Variants in DLGAP2 observed in about 807,000 individuals in gnomAD.
The protein encoded by DLGAP2 is DLG associated protein 2.
Under a neutral mutation model 100.3 loss-of-function variants are expected in DLGAP2, and 26 were observed. The observed-to-expected ratio is 0.26, with a 90% CI of 0.19 to 0.36. The LOEUF (loss-of-function observed/expected upper bound fraction) is 0.36, where lower values mean the gene tolerates loss of function less well. Ranked by LOEUF, DLGAP2 falls within the 10% of genes least tolerant of loss-of-function variation. The pLI is 1.00. For synonymous variants in DLGAP2, 886 were observed against 630.1 expected, an observed-to-expected ratio of 1.41 and a Z score of -6.08; for missense variants, 1,858 against 1,453.2, an observed-to-expected ratio of 1.28 and a Z score of -4.53.
intron 2 of DLGAP2, among the ~76,000 whole-genome samples, chr8:1,142,294 A>G (rs1366127609): frequency 6.6e-6 from 1 of 152,166 alleles, no homozygotes; most frequent in Non-Finnish European, 1.5e-5. Flanking sequence ...TTTCTGAAGA[A>G]AAAAAGTACG....
chr8:1,337,015 C>G (rs1210007310), intron 3 of DLGAP2, among the ~76,000 whole-genome samples: 2 of 152,122 alleles, frequency 1.3e-5, no homozygotes, highest in Non-Finnish European at 2.9e-5. Flanking sequence ...CAATGAGTCT[C>G]TAGAATAGTC....
Position 1,548,853 on chromosome 8 carries a change from C to G in DLGAP2, c.400C>G (p.Arg134Gly). 1 of 1,581,884 alleles carries G rather than the reference C, an allele frequency of 6.3e-7. No homozygotes were observed. The highest frequency in any genetic ancestry group is 8.6e-7 in the Non-Finnish European group (1 of 1,168,206). ...CGACAGCTGCCCCGGGGGGCGCCAC[C>G]GCTGCTCGCCGCGCAGCTCGGTGCA... ...PADSCPGGRH[R>G]CSPRSSVHSE... is the part of the protein sequence containing the mutation. The change falls in exon 5 of 15, where the codon CGC becomes GGC. Residue 134 changes from arginine to glycine, a missense_variant. Transcript: ENST00000637795.
intron 13 of DLGAP2, 61 bp downstream of exon 13, chr8:1,691,687 A>T: frequency 7.4e-7 from 1 of 1,344,432 alleles, no homozygotes; most frequent in Non-Finnish European, 1.1e-6. Context: ...ATCATTCCAC[A>T]GATTCTCATT....
In DLGAP2 at chr8:880,147, TC is replaced by T. The variant is rs534956750; in HGVS notation, c.19-27764del. 1.9e-3 allele frequency among the ~76,000 whole-genome samples: 291 copies of T among 152,284 alleles called. 1 individual carries two copies. Among genetic ancestry groups the T allele is most frequent in the Admixed American group, 0.016 (252 of 15,300 alleles). ...TTCTTTGCATCCGTGGTGTTTGTGT[TC>T]ACCTGTGTTCTTGGCCCCGCCCCTT... On this transcript the variant is annotated intron_variant, in intron 1 of 14. Coordinates refer to ENST00000637795, the MANE Select transcript of DLGAP2 (RefSeq NM_001346810.2).
At chr8:1,257,594 C>G (rs1448860053) in intron 2 of DLGAP2, among the ~76,000 whole-genome samples, 3 of 152,222 alleles carry the variant, frequency 2.0e-5, no homozygotes, top group African/African-American at 7.2e-5. Flanking sequence ...CGTGGCGTCT[C>G]CTCTGTGGGC....
rs149138252 is a variant in DLGAP2 at position 1,270,623 on chromosome 8, C to T, written c.106+11740C>T. Among the ~76,000 whole-genome samples the T allele has an allele frequency of 2.8e-4, 42 of 152,114 alleles. 1 individual carries two copies. The highest frequency in any genetic ancestry group is 9.2e-4 in the African/African-American group (38 of 41,526). The stretch of plus-strand genomic sequence containing the variant: ...AAGAACGTAACTTCTCTGACCCTGA[C>T]GTTCTCCCAGTAAAATTTCCTTTGC... On this transcript the variant is annotated intron_variant, in intron 3 of 14. Transcript: ENST00000637795.
At chr8:1,258,741 A>T in intron 2 of DLGAP2, 110 bp from the exon 3 acceptor site, 1 of 962,172 alleles carries the variant, frequency 1.0e-6, no homozygotes, top group Non-Finnish European at 1.3e-6. Context: ...TGGTGTGGTC[A>T]AGCGGCGTCA....
rs142826489 is a variant in DLGAP2 at position 1,706,979 on chromosome 8, G to A, written c.*5573G>A. The A allele has an allele frequency of 9.2e-4, 140 of 152,700 alleles. 2 individuals carry two copies. In the East Asian group the frequency reaches 0.018, roughly 19 times the overall value. 9.5% of individuals were successfully genotyped at this position (152,700 alleles called of 1,614,324 possible). On this transcript the variant is annotated 3_prime_UTR_variant, in exon 15 of 15. Transcript: ENST00000637795. ...TATGAATTGCTGTCCTAACCCTGGCGTTTTTATCCAGTGTTAAAATAAATT... is the reference window on the plus strand; with the variant it reads ...TATGAATTGCTGTCCTAACCCTGGCATTTTTATCCAGTGTTAAAATAAATT...
intron 9 of DLGAP2, 113 bp downstream of exon 9, chr8:1,668,791 C>T (rs995171449): frequency 2.0e-6 from 2 of 1,002,228 alleles, no homozygotes; most frequent in Non-Finnish European, 2.8e-6. Flanking sequence ...ACTGTAACCC[C>T]AGCAGGGCTG....
At chr8:1,123,850 A>G (rs1406267608) in intron 2 of DLGAP2, among the ~76,000 whole-genome samples, 2 of 152,110 alleles carry the variant, frequency 1.3e-5, no homozygotes, top group African/African-American at 4.8e-5. Flanking sequence ...TTTCCTCAGT[A>G]TTCTTTCCTG....
intron 1 of DLGAP2, among the ~76,000 whole-genome samples, chr8:818,060 C>G (rs912168397): frequency 2.0e-5 from 3 of 152,008 alleles, no homozygotes; most frequent in Non-Finnish European, 4.4e-5. Context: ...CCATAGAGCT[C>G]CCAAGATATT....
intron 2 of DLGAP2, among the ~76,000 whole-genome samples, chr8:1,106,725 A>G (rs113060410): frequency 0.039 from 2,655 of 68,892 alleles, 26 homozygotes; most frequent in Middle Eastern, 0.1. Flanking sequence ...TCTATTGAAG[A>G]GAGCCATTCT....
chr8:763,193 A>C (rs1408863816), intron 1 of DLGAP2, among the ~76,000 whole-genome samples: 2 of 152,172 alleles, frequency 1.3e-5, no homozygotes, highest in Non-Finnish European at 2.9e-5. Context: ...CGTTGTGGAG[A>C]CATGGACTAT....
intron 3 of DLGAP2, among the ~76,000 whole-genome samples, chr8:1,384,432 C>T (rs1360312601): frequency 1.2e-5 from 1 of 84,032 alleles, no homozygotes; most frequent in Non-Finnish European, 2.7e-5. Flanking sequence ...GTGCCCGGCC[C>T]CTGAGAACTT....
At chr8:1,443,767 C>T (rs1434905908) in intron 3 of DLGAP2, among the ~76,000 whole-genome samples, 1 of 152,074 alleles carries the variant, frequency 6.6e-6, no homozygotes, top group Admixed American at 6.5e-5. Flanking sequence ...CCTCGTGATT[C>T]AATTATCTCC....
chr8:1,177,103 C>G lies in DLGAP2; in HGVS notation c.74-81748C>G, dbSNP rs150608834. Among the ~76,000 whole-genome samples, 674 of 152,298 alleles carry G rather than the reference C, an allele frequency of 4.4e-3. 9 individuals carry two copies. Among genetic ancestry groups the G allele is most frequent in the Middle Eastern group, 0.017 (5 of 294 alleles). ...AACAATATAGTCAACATGGTCTAAC[C>G]TGTTATACGTGGTCTAAAAGTCCCA... is the stretch of plus-strand genomic sequence containing the variant. On this transcript the variant is annotated intron_variant, in intron 2 of 14. Transcript: ENST00000637795.
intron 2 of DLGAP2, among the ~76,000 whole-genome samples, chr8:1,176,147 A>C (rs1043853978): frequency 1.3e-5 from 2 of 152,224 alleles, no homozygotes; most frequent in Non-Finnish European, 2.9e-5. Context: ...CAGGAAACTT[A>C]CAATTGTGGT....
rs914045708 is a variant in DLGAP2, at chr8:1,444,771, C to CTTT, written c.107-56572_107-56570dup. On this transcript the variant is annotated intron_variant, in intron 3 of 14. Coordinates refer to ENST00000637795, the MANE Select transcript of DLGAP2 (RefSeq NM_001346810.2). ...TGATCATGCTTTGAGCCAGGTCATT[C>CTTT]TTTTTTTTTTTTTTTTTTTTTTTTT... is the stretch of plus-strand genomic sequence containing the variant. Among the ~76,000 whole-genome samples the CTTT allele has an allele frequency of 6.7e-3, 536 of 79,818 alleles. 4 individuals carry two copies. The highest frequency in any genetic ancestry group is 9.0e-3 in the African/African-American group (163 of 18,100). The allele number at this position is 79,818 out of a possible 152,430, so 52.4% of individuals were successfully genotyped here.
chr8:1,250,101 G>C (rs995456096), intron 2 of DLGAP2, among the ~76,000 whole-genome samples: 1 of 152,206 alleles, frequency 6.6e-6, no homozygotes, highest in East Asian at 1.9e-4. Context: ...GGCTGGTCTC[G>C]ATCTCCTGAC....
Sources: allele counts gnomAD v4.1 joint callset (sites outside exome capture counted in the v4.1 genomes callset), GRCh38; gene constraint gnomAD v4.1.1; transcripts MANE v1.5; gene names NCBI Gene and HGNC (gene_info 2026-07-23, HGNC 2026-07-21).